PLAG1: variants seen among roughly 807,000 people sequenced by gnomAD.
PLAG1 encodes zinc finger protein PLAG1.
Under a neutral mutation model 35.5 loss-of-function variants are expected in PLAG1, and 7 were observed. The observed-to-expected ratio is 0.20, with a 90% confidence interval of 0.11 to 0.37. PLAG1 has a LOEUF of 0.37. PLAG1 is among the 10% of genes least tolerant of loss of function. The probability of loss-of-function intolerance (pLI) is 1.00; values close to 1 mark genes in which losing one functional copy is unlikely to be tolerated. For missense variants in PLAG1, 454 were observed against 602.8 expected, an observed-to-expected ratio of 0.75 and a Z score of 2.58; for synonymous variants, 229 against 225.4, an observed-to-expected ratio of 1.02 and a Z score of -0.14.
chr8:56,185,472 C>G (rs149935432), intron 1 of PLAG1, among the ~76,000 whole-genome samples: 457 of 151,974 alleles, frequency 3.0e-3, no homozygotes, highest in African/African-American at 0.011. Flanking sequence ...TACAGAAGTA[C>G]GAAAATAAAA....
At chr8:56,185,310 G>A (rs1333794146) in intron 1 of PLAG1, among the ~76,000 whole-genome samples, 1 of 152,084 alleles carries the variant, frequency 6.6e-6, no homozygotes, top group Non-Finnish European at 1.5e-5. Context: ...AGGGACGTAT[G>A]CATATATATG....
chr8:56,164,906 G>GTATATATTTCTA lies in PLAG1; in HGVS notation c.*1336_*1337insTAGAAATATATA, dbSNP rs1811309488. ...TCATTTCCCAGAGATGCATGAAAGT[G>GTATATATTTCTA]GGATTTTACTGTATATATTTCTAGT... On this transcript the variant is annotated 3_prime_UTR_variant, in exon 5 of 5. Coordinates refer to ENST00000316981, the MANE Select transcript of PLAG1 (RefSeq NM_002655.3). 2 of 210,208 alleles carry GTATATATTTCTA rather than the reference G, an allele frequency of 9.5e-6. No individual in the cohort carries two copies. The highest frequency in any genetic ancestry group is 1.2e-4 in the Admixed American group (2 of 17,000). The allele number at this position is 210,208 out of a possible 1,614,324, so 13.0% of individuals were successfully genotyped here. A position where few individuals can be genotyped will look rare whatever the true frequency, so the allele number is the denominator to read the frequency against.
rs142773788 is a variant in PLAG1 at position 56,180,787 on chromosome 8, G to A, written c.-321-1274C>T. Among the ~76,000 whole-genome samples the A allele has an allele frequency of 5.9e-3, 891 of 152,036 alleles. 7 individuals are homozygous for A. Among genetic ancestry groups the A allele is most frequent in the African/African-American group, 0.02 (816 of 41,440 alleles). On this transcript the variant is annotated intron_variant, in intron 1 of 4. Coordinates refer to ENST00000316981, the MANE Select transcript of PLAG1 (RefSeq NM_002655.3). ...AGAGTGAACAGGCAACCTATAGAAC[G>A]GCAGAAAATTTCTGCAATCTATCCA...
intron 1 of PLAG1, among the ~76,000 whole-genome samples, chr8:56,196,343 T>C (rs1812364620): frequency 6.6e-6 from 1 of 152,190 alleles, no homozygotes; most frequent in Non-Finnish European, 1.5e-5. Context: ...TCTACTGTTG[T>C]ACTCTCAAGT....
chr8:56,210,407 A>AC (rs935548079), intron 1 of PLAG1, among the ~76,000 whole-genome samples: 3 of 95,114 alleles, frequency 3.2e-5, no homozygotes, highest in South Asian at 3.4e-4. Context: ...CCCTCCCCCT[A>AC]CCCCCCCTCG....
chr8:56,198,295 C>T (rs1194614723), intron 1 of PLAG1, among the ~76,000 whole-genome samples: 1 of 152,190 alleles, frequency 6.6e-6, no homozygotes, highest in Non-Finnish European at 1.5e-5. Context: ...TGCTCCAGGG[C>T]CGGTGAGAAG....
At chr8:56,194,601 ATG>A (rs1363970934) in intron 1 of PLAG1, among the ~76,000 whole-genome samples, 1 of 150,602 alleles carries the variant, frequency 6.6e-6, no homozygotes, top group African/African-American at 2.4e-5. Flanking sequence ...GTGTGAATGT[ATG>A]TGTGTTTGTG....
rs532063125 is a variant in PLAG1 at position 56,161,603 on chromosome 8, G to A, written c.*4640C>T. Reference sequence around the variant, plus strand: ...TTGTTCTGGTAACATTTGCATGTCCGAGATCTCCTTTTGCAAGTGCACATG... The same window carrying A: ...TTGTTCTGGTAACATTTGCATGTCCAAGATCTCCTTTTGCAAGTGCACATG... On this transcript the variant is annotated 3_prime_UTR_variant, in exon 5 of 5. Coordinates refer to ENST00000316981, the MANE Select transcript of PLAG1 (RefSeq NM_002655.3). 5.7e-5 allele frequency: 13 copies of A among 228,448 alleles called. No individual in the cohort carries two copies. Among genetic ancestry groups the A allele is most frequent in the Non-Finnish European group, 1.1e-4 (13 of 114,876 alleles). The allele number at this position is 228,448 out of a possible 1,614,324, so 14.2% of individuals were successfully genotyped here.
At chr8:56,207,104 T>C (rs979046027) in intron 1 of PLAG1, among the ~76,000 whole-genome samples, 6 of 151,680 alleles carry the variant, frequency 4.0e-5, no homozygotes, top group Non-Finnish European at 8.8e-5. Context: ...GGTAATTTTT[T>C]ATATATCTTA....
At chr8:56,193,278 G>C (rs889357951) in intron 1 of PLAG1, among the ~76,000 whole-genome samples, 2 of 152,212 alleles carry the variant, frequency 1.3e-5, no homozygotes, top group Non-Finnish European at 2.9e-5. Context: ...CTGAGGTGTG[G>C]TGACTTGAAA....
chr8:56,206,804 GT>G (rs1001993167), intron 1 of PLAG1, among the ~76,000 whole-genome samples: 1 of 151,932 alleles, frequency 6.6e-6, no homozygotes, highest in African/African-American at 2.4e-5. Flanking sequence ...CAGAAAAGGT[GT>G]TTATCAGGTT....
At position 56,167,272 on chromosome 8, in the gene PLAG1, A is replaced by G. The variant is rs1811388026; in HGVS notation, c.474T>C (p.Thr158=). 6.2e-7 allele frequency: 1 copy of G among 1,614,098 alleles called. No homozygotes were observed. Residue 158 remains threonine (T), a synonymous_variant, in exon 5 of 5, where the codon ACT becomes ACC. Coordinates refer to ENST00000316981, the MANE Select transcript of PLAG1 (RefSeq NM_002655.3). This position sits in a 1 kb window ranked among gnomAD's most constrained non-coding sequence, Gnocchi z 5.9. ...CCAGAAGCACTCCCGTGCTTTCAAAAGTTTGCAAACATACCTTACAGGTGA... is the reference window on the plus strand; with the variant it reads ...CCAGAAGCACTCCCGTGCTTTCAAAGGTTTGCAAACATACCTTACAGGTGA... ...GDLTCKVCLQ[T]FESTGVLLEH... is the part of the protein sequence containing the mutation.
intron 1 of PLAG1, among the ~76,000 whole-genome samples, chr8:56,179,772 A>C (rs1811811033): frequency 6.7e-6 from 1 of 148,572 alleles, no homozygotes; most frequent in Non-Finnish European, 1.5e-5. Context: ...AATTATTTCA[A>C]GTTTACTGTC....
In PLAG1 at chr8:56,184,064, C is replaced by G. The variant is rs574535933; in HGVS notation, c.-321-4551G>C. Among the ~76,000 whole-genome samples the G allele has an allele frequency of 1.1e-4, 16 of 152,280 alleles. No individual in the cohort carries two copies. The South Asian group carries it at 3.1e-3, about 30-fold the overall frequency. The stretch of plus-strand genomic sequence containing the variant: ...ACAAGCCATTAGAAGATTAGAACAA[C>G]ATCTCTGCAAAGCAGAGATCAACTG... On this transcript the variant is annotated intron_variant, in intron 1 of 4. Transcript: ENST00000316981.
At chr8:56,194,248 C>T (rs1007965612) in intron 1 of PLAG1, among the ~76,000 whole-genome samples, 3 of 140,682 alleles carry the variant, frequency 2.1e-5, no homozygotes, top group African/African-American at 2.7e-5. Flanking sequence ...ACCCAGGATG[C>T]GGAGGTTGCA....
chr8:56,210,820 G>A (rs918987832), intron 1 of PLAG1, among the ~76,000 whole-genome samples: 1 of 151,242 alleles, frequency 6.6e-6, no homozygotes, highest in African/African-American at 2.4e-5. Context: ...TCCAGACCCT[G>A]AATAAAGGTT....
intron 1 of PLAG1, among the ~76,000 whole-genome samples, chr8:56,206,630 C>T (rs956106064): frequency 6.6e-6 from 1 of 151,996 alleles, no homozygotes; most frequent in Non-Finnish European, 1.5e-5. Context: ...ATTTACCCTG[C>T]ATTCATATTT....
At chr8:56,184,978 T>G (rs1432674371) in intron 1 of PLAG1, among the ~76,000 whole-genome samples, 1 of 151,982 alleles carries the variant, frequency 6.6e-6, no homozygotes, top group Non-Finnish European at 1.5e-5. Context: ...CCAAAACAAA[T>G]GAACAAGTTG....
At position 56,160,939 on chromosome 8, in the gene PLAG1, T is replaced by C. The variant is rs1196300144; in HGVS notation, c.*5304A>G. 1 of 177,194 alleles carries C rather than the reference T, an allele frequency of 5.6e-6. No individual in the cohort carries two copies. Among genetic ancestry groups the C allele is most frequent in the East Asian group, 9.5e-5 (1 of 10,496 alleles). 11.0% of individuals were successfully genotyped at this position (177,194 alleles called of 1,614,324 possible). On this transcript the variant is annotated 3_prime_UTR_variant, in exon 5 of 5. Transcript: ENST00000316981. ...CCATTCTATAATTTTATTCATATAT[T>C]TTGTGGAATTCACATATCTTATTCT...
Sources: gnomAD v4.1 joint callset for allele counts (sites outside exome capture counted in the v4.1 genomes callset) on GRCh38, gnomAD v4.1.1 for gene constraint, Gnocchi (gnomAD v3.1) non-coding constraint, MANE v1.5 for transcripts, NCBI Gene and HGNC (gene_info 2026-07-23, HGNC 2026-07-21) for gene names.